The following TRPM6 variants were observed in gnomAD, a reference collection of about 807,000 sequenced individuals.
TRPM6 encodes the protein channel kinase 2.
TRPM6 carries 111 observed loss-of-function variants against 247.6 expected under a neutral mutation model. That is an observed-to-expected ratio of 0.45 (90% CI 0.38 to 0.52). TRPM6 has a LOEUF of 0.52. TRPM6 is among the 20% of genes least tolerant of loss of function. The pLI, the probability that TRPM6 is intolerant of heterozygous loss-of-function variation, is 0.00. For missense variants in TRPM6, 2,126 were observed against 2,421.5 expected (o/e 0.88, Z 2.56); for synonymous variants, 892 against 853.8 (o/e 1.04, Z -0.78).
At position 74,782,837 on chromosome 9, in the gene TRPM6, T is replaced by C; in HGVS notation, c.2936A>G (p.Tyr979Cys). Residue 979 changes from tyrosine (Y) to cysteine (C), a missense_variant, in exon 22 of 39, where the codon TAT becomes TGT. This residue lies in a region of TRPM6 where 1,082 missense variants were observed against 1,307.9 expected (regional missense o/e 0.83). Transcript: ENST00000360774. ...GACTATGGCCATGATGATCACAATA[T>C]AGAACATGTTTGCTGTCTGCAAAAG... ...MIAKMTANMF[Y>C]IVIIMAIVLL... The C allele has an allele frequency of 1.9e-6, 3 of 1,614,136 alleles. No individual in the cohort carries two copies. Among genetic ancestry groups the C allele is most frequent in the Non-Finnish European group, 1.7e-6 (2 of 1,180,034 alleles).
chr9:74,775,749 C>G, intron 24 of TRPM6, 134 bp downstream of exon 24: 1 of 903,814 alleles, frequency 1.1e-6, no homozygotes, highest in South Asian at 1.3e-5. Context: ...CCCAGAGCAT[C>G]AGCTGATATT....
chr9:74,878,544 C>A (rs541262123), intron 1 of TRPM6, among the ~76,000 whole-genome samples: 1 of 152,272 alleles, frequency 6.6e-6, no homozygotes, highest in East Asian at 1.9e-4. Flanking sequence ...GAAATCATAA[C>A]GAGACTATAC....
chr9:74,864,444 G>A (rs1373396024), intron 1 of TRPM6, among the ~76,000 whole-genome samples: 1 of 152,110 alleles, frequency 6.6e-6, no homozygotes, highest in African/African-American at 2.4e-5. Flanking sequence ...CACTTGATCC[G>A]AGAGGGGCAG....
At chr9:74,832,905 G>C (rs954685883) in intron 6 of TRPM6, among the ~76,000 whole-genome samples, 8 of 152,056 alleles carry the variant, frequency 5.3e-5, no homozygotes, top group Admixed American at 5.2e-4. Context: ...ACAAAAATTT[G>C]CCGGGCCTGG....
intron 8 of TRPM6, 135 bp from the exon 9 acceptor site, chr9:74,820,562 G>T (rs572963203): frequency 4.5e-6 from 5 of 1,099,026 alleles, no homozygotes; most frequent in Non-Finnish European, 6.7e-6. Flanking sequence ...GAGCAAATGA[G>T]GGGGAGCAAA....
Position 74,800,441 on chromosome 9 carries a change from A to G in TRPM6, c.2051T>C (p.Phe684Ser), listed in dbSNP as rs773740909. Residue 684 changes from phenylalanine (F) to serine (S), a missense_variant, in exon 17 of 39, where the codon TTC becomes TCC. By Grantham distance (155) the Phe-to-Ser change is radical (BLOSUM62 -2). This residue lies in a region of TRPM6 where 1,082 missense variants were observed against 1,307.9 expected (regional missense o/e 0.83). Coordinates refer to ENST00000360774, the MANE Select transcript of TRPM6 (RefSeq NM_017662.5). ...CATGGCCATGCGCTCATTCTGCTTG[A>G]ATGCCTTCTCCAACAAGTCCAGAGC... is the stretch of plus-strand genomic sequence containing the variant. Reference protein sequence around the residue: ...QLALDLLEKAFKQNERMAMTL... With the variant: ...QLALDLLEKASKQNERMAMTL... The G allele has an allele frequency of 6.2e-7, 1 of 1,613,980 alleles. No individual in the cohort carries two copies. The highest frequency in any genetic ancestry group is 8.5e-7 in the Non-Finnish European group (1 of 1,180,018).
At chr9:74,875,232 ACTCTT>A (rs1157450245) in intron 1 of TRPM6, 3 of 455,822 alleles carry the variant, frequency 6.6e-6, no homozygotes, top group South Asian at 4.7e-5. Context: ...CCTTACAGCA[ACTCTT>A]CCCTTCCATT....
chr9:74,867,734 T>C (rs908140557), intron 1 of TRPM6, among the ~76,000 whole-genome samples: 24 of 152,106 alleles, frequency 1.6e-4, no homozygotes, highest in Non-Finnish European at 1.2e-4. Context: ...TTACAATCCA[T>C]AGGCAGGATA....
At chr9:74,793,523 TG>T (rs1827978974) in intron 18 of TRPM6, among the ~76,000 whole-genome samples, 1 of 152,148 alleles carries the variant, frequency 6.6e-6, no homozygotes, top group South Asian at 2.1e-4. Context: ...GGCTAATTTT[TG>T]TATGTTTTTA....
At position 74,749,441 on chromosome 9, in the gene TRPM6, G is replaced by A. The variant is rs917692909; in HGVS notation, c.5057+1223C>T. The stretch of plus-strand genomic sequence containing the variant: ...CTTTGTGATCACACAATATATATAA[G>A]ATGTAACTGTGTTTGTGTTCTTCTG... On this transcript the variant is annotated intron_variant, in intron 30 of 38. Coordinates refer to ENST00000360774, the MANE Select transcript of TRPM6 (RefSeq NM_017662.5). Among the ~76,000 whole-genome samples the A allele has an allele frequency of 3.5e-4, 53 of 152,158 alleles. 1 individual carries two copies. Among genetic ancestry groups the A allele is most frequent in the Admixed American group, 3.4e-3 (52 of 15,274 alleles).
At chr9:74,736,072 T>C (rs1387342709) in intron 36 of TRPM6, among the ~76,000 whole-genome samples, 1 of 152,200 alleles carries the variant, frequency 6.6e-6, no homozygotes, top group Non-Finnish European at 1.5e-5. Flanking sequence ...TTAACCTCCA[T>C]ATTAAAGAGT....
chr9:74,796,901 A>AG lies in TRPM6; in HGVS notation c.2239-9dup, dbSNP rs1828119181. 6.2e-7 allele frequency: 1 copy of AG among 1,612,320 alleles called. No homozygotes were observed. Among genetic ancestry groups the AG allele is most frequent in the African/African-American group, 1.3e-5 (1 of 74,882 alleles). ...AATAATGCTTATAATAATCTGTAAA[A>AG]GAAAAAAAAGCAAAACAAAGTAGTA... On this transcript the variant is annotated splice_polypyrimidine_tract_variant and intron_variant, in intron 17 of 38. Transcript: ENST00000360774.
chr9:74,738,594 T>A lies in TRPM6; in HGVS notation c.5589A>T (p.Leu1863Phe). 1 of 1,614,002 alleles carries A rather than the reference T, an allele frequency of 6.2e-7. No homozygotes were observed. The highest frequency in any genetic ancestry group is 8.5e-7 in the Non-Finnish European group (1 of 1,179,950). Residue 1863 changes from leucine (L) to phenylalanine (F), a missense_variant, in exon 36 of 39, where the codon TTA (leucine) becomes TTT (phenylalanine). Transcript: ENST00000360774. ...PYTPRFLEVF[L>F]IYCHSANQWL... ...ACTGGTTGGCTGAATGGCAGTAGAT[T>A]AAGAAAACTTCCAGGAACCTGTTAG...
chr9:74,760,634 G>A (rs565917337), intron 27 of TRPM6, among the ~76,000 whole-genome samples: 1 of 152,326 alleles, frequency 6.6e-6, no homozygotes, highest in South Asian at 2.1e-4. Context: ...ATTGTACCAT[G>A]AGATACCACT....
chr9:74,799,984 C>T lies in TRPM6; in HGVS notation c.2238+270G>A, dbSNP rs541402300. On this transcript the variant is annotated intron_variant, in intron 17 of 38. Coordinates refer to ENST00000360774, the MANE Select transcript of TRPM6 (RefSeq NM_017662.5). ...ATCTGGCTGGCTAGGCAGGTGTCCC[C>T]TTCCTCCCTCACCACTCCATGTGCA... 40 of 477,208 alleles carry T rather than the reference C, an allele frequency of 8.4e-5. 3 individuals are homozygous for T. The highest frequency in any genetic ancestry group is 3.6e-4 in the South Asian group (17 of 47,084). The allele number at this position is 477,208 out of a possible 1,614,324, so 29.6% of individuals were successfully genotyped here.
Position 74,738,623 on chromosome 9 carries a change from A to G in TRPM6, c.5571-11T>C. 6.2e-7 allele frequency: 1 copy of G among 1,613,382 alleles called. No homozygotes were observed. Reference sequence around the variant, plus strand: ...AAAACTTCCAGGAACCTGTTAGGGAAAAAGAGGCCATTGATCCCCCACAAT... The same window carrying G: ...AAAACTTCCAGGAACCTGTTAGGGAGAAAGAGGCCATTGATCCCCCACAAT... On this transcript the variant is annotated splice_polypyrimidine_tract_variant and intron_variant, in intron 35 of 38. Coordinates refer to ENST00000360774, the MANE Select transcript of TRPM6 (RefSeq NM_017662.5).
intron 9 of TRPM6, among the ~76,000 whole-genome samples, chr9:74,818,602 C>A (rs766890611): frequency 5.9e-5 from 9 of 152,102 alleles, no homozygotes; most frequent in Non-Finnish European, 1.2e-4. Context: ...CGTGTCCGAG[C>A]ATATCTGTCA....
chr9:74,756,681 C>CAAAAAAAAAAAAA (rs1217543421), intron 27 of TRPM6, among the ~76,000 whole-genome samples: 4 of 51,744 alleles, frequency 7.7e-5, no homozygotes, highest in African/African-American at 2.6e-4. Flanking sequence ...CCCGTCTCTA[C>CAAAAAAAAAAAAA]AAAAAAAAAA....
intron 14 of TRPM6, 41 bp from the exon 15 acceptor site, chr9:74,803,927 G>T: frequency 8.3e-7 from 1 of 1,201,768 alleles, no homozygotes; most frequent in Non-Finnish European, 1.2e-6. Flanking sequence ...TCTCTGGCAC[G>T]TTATTATTTT....
Sources: gnomAD v4.1 joint callset for allele counts (sites outside exome capture counted in the v4.1 genomes callset) on GRCh38, gnomAD v4.1.1 for gene constraint, gnomAD v4.1.1 regional missense constraint, MANE v1.5 for transcripts, NCBI Gene and HGNC (gene_info 2026-07-23, HGNC 2026-07-21) for gene names.